The following PRDM10 variants were observed in gnomAD, a reference collection of about 807,000 sequenced individuals.
The protein encoded by PRDM10 is PR domain zinc finger protein 10.
PRDM10 carries 65 observed loss-of-function variants against 133.1 expected under a neutral mutation model. The ratio of observed to expected loss-of-function variants is 0.49; its 90% CI spans 0.40 to 0.60. The LOEUF is 0.60. Ranked by LOEUF, PRDM10 falls within the 20% of genes least tolerant of loss-of-function variation. The probability of loss-of-function intolerance (pLI) is 0.00; values close to 1 mark genes in which losing one functional copy is unlikely to be tolerated. For synonymous variants in PRDM10, 582 were observed against 580.4 expected (o/e 1.00, Z -0.04); for missense variants, 1,137 against 1,507.1 (o/e 0.75, Z 4.07).
At chr11:129,904,754 C>A (rs1949960054) in intron 20 of PRDM10, among the ~76,000 whole-genome samples, 1 of 152,166 alleles carries the variant, frequency 6.6e-6, no homozygotes, top group Non-Finnish European at 1.5e-5. Flanking sequence ...CCTGCCTTGG[C>A]CCCCCAAAGT....
chr11:129,975,257 T>C (rs1006160053), intron 1 of PRDM10, among the ~76,000 whole-genome samples: 2 of 152,062 alleles, frequency 1.3e-5, no homozygotes, highest in African/African-American at 4.8e-5. Context: ...TGAAACCCCA[T>C]GTCTACTAAA....
intron 1 of PRDM10, among the ~76,000 whole-genome samples, chr11:129,999,143 A>C (rs1013514611): frequency 1.3e-5 from 2 of 152,160 alleles, no homozygotes; most frequent in Non-Finnish European, 2.9e-5. Context: ...ATTAAGAATA[A>C]AAAAGAAAAG....
rs186250072 is a variant in PRDM10 at position 129,925,462 on chromosome 11, A to G, written c.1531-233T>C. 1.8e-4 allele frequency among the ~76,000 whole-genome samples: 27 copies of G among 152,308 alleles called. No individual in the cohort carries two copies. In the East Asian group the frequency reaches 2.3e-3, roughly 13 times the overall value. On this transcript the variant is annotated intron_variant, in intron 11 of 20. Coordinates refer to ENST00000360871, the MANE Select transcript of PRDM10 (RefSeq NM_199437.2). ...GAAATTTTTTTGTGTTTTGTTTTAC[A>G]TCTATGTATGTGGGTTTTCTTTTGA...
intron 2 of PRDM10, among the ~76,000 whole-genome samples, chr11:129,960,594 T>C (rs1327050750): frequency 1.3e-5 from 2 of 152,124 alleles, no homozygotes; most frequent in Non-Finnish European, 1.5e-5. Context: ...AAACAAACTA[T>C]AGTTTGAGGT....
intron 1 of PRDM10, among the ~76,000 whole-genome samples, chr11:129,971,958 C>A (rs2135948862): frequency 6.6e-6 from 1 of 152,330 alleles, no homozygotes; most frequent in East Asian, 1.9e-4. Context: ...TGGCGGGCTG[C>A]AGGTCCCGAG....
At chr11:129,910,317 C>T (rs1275628004) in intron 19 of PRDM10, among the ~76,000 whole-genome samples, 159 bp downstream of exon 19, 1 of 152,190 alleles carries the variant, frequency 6.6e-6, no homozygotes, top group Non-Finnish European at 1.5e-5. Context: ...GAATGCTACA[C>T]CTTGAGTTTT....
In PRDM10 at chr11:129,947,405, A is replaced by G. The variant is rs780658136; in HGVS notation, c.295-35T>C. 11 of 1,610,090 alleles carry G rather than the reference A, an allele frequency of 6.8e-6. No individual in the cohort carries two copies. The highest frequency in any genetic ancestry group is 8.5e-6 in the Non-Finnish European group (10 of 1,176,688). Reference sequence around the variant, plus strand: ...AGTTGAAGGCACAGAGTAAGCAGACATGGACACCTGCTTTTGGTTCGCTGG... The same window carrying G: ...AGTTGAAGGCACAGAGTAAGCAGACGTGGACACCTGCTTTTGGTTCGCTGG... On this transcript the variant is annotated intron_variant, in intron 4 of 20. Coordinates refer to ENST00000360871, the MANE Select transcript of PRDM10 (RefSeq NM_199437.2). The surrounding 1 kb of genome is among the most constrained non-coding windows in gnomAD (Gnocchi z 4.6).
Position 129,905,720 on chromosome 11 carries a change from G to A in PRDM10, c.3185C>T (p.Thr1062Met), listed in dbSNP as rs773270883. ...AATCACAAACTGACCCGGAGGAAGC[G>A]TCATCATTTGAATCTCAGATGCTAA... ...RGYSSEIQMMTLPPGQFVITD... is the reference protein window; with the variant it reads ...RGYSSEIQMMMLPPGQFVITD... Residue 1062 changes from threonine (T) to methionine (M), a missense_variant, in exon 20 of 21, where the codon ACG (threonine) becomes ATG (methionine). This residue lies in a region of PRDM10 where 243 missense variants were observed against 259.2 expected (regional missense o/e 0.94). Transcript: ENST00000360871. 22 of 1,613,826 alleles carry A rather than the reference G, an allele frequency of 1.4e-5. No individual in the cohort carries two copies. The highest frequency in any genetic ancestry group is 1.6e-4 in the Middle Eastern group (1 of 6,084).
At chr11:129,904,541 C>G (rs985335155) in intron 20 of PRDM10, among the ~76,000 whole-genome samples, 1 of 152,062 alleles carries the variant, frequency 6.6e-6, no homozygotes, top group African/African-American at 2.4e-5. Flanking sequence ...ACTTTGTTGC[C>G]CAGGCTGGAG....
intron 1 of PRDM10, among the ~76,000 whole-genome samples, chr11:130,000,190 C>A (rs2136015658): frequency 6.6e-6 from 1 of 151,860 alleles, no homozygotes; most frequent in East Asian, 1.9e-4. Flanking sequence ...ATTACAGGCG[C>A]CTGCCATCAT....
chr11:129,953,766 G>A (rs1951638358), intron 4 of PRDM10, among the ~76,000 whole-genome samples: 1 of 147,822 alleles, frequency 6.8e-6, no homozygotes, highest in South Asian at 2.1e-4. Context: ...TTTGTCTTTG[G>A]GGTATTTATC....
At chr11:129,949,797 G>T (rs1300654622) in intron 4 of PRDM10, among the ~76,000 whole-genome samples, 1 of 151,710 alleles carries the variant, frequency 6.6e-6, no homozygotes, top group Non-Finnish European at 1.5e-5. Context: ...AGCTGGGCAT[G>T]GTAGCGGGTG....
At position 129,980,398 on chromosome 11, in the gene PRDM10, AG is replaced by A. The variant is rs1287770861; in HGVS notation, c.-118-19317del. Reference sequence around the variant, plus strand: ...AACAGCAGCGGTGGACTCTCATAGGAGCAGGGACCCTGTTGTGAACCGTGCA... The same window carrying A: ...AACAGCAGCGGTGGACTCTCATAGGACAGGGACCCTGTTGTGAACCGTGCA... On this transcript the variant is annotated intron_variant, in intron 1 of 20. Transcript: ENST00000360871. 2.6e-5 allele frequency among the ~76,000 whole-genome samples: 4 copies of A among 152,208 alleles called. No individual in the cohort carries two copies. In the East Asian group the frequency reaches 7.7e-4, roughly 29 times the overall value.
chr11:129,947,015 G>C lies in PRDM10; in HGVS notation c.520+130C>G. ...AAGGCCAGGTGGGATGAAGCAAGCA[G>C]AGAATGTAGCACAGTTGGCTGCACA... is the stretch of plus-strand genomic sequence containing the variant. On this transcript the variant is annotated intron_variant, in intron 5 of 20. Coordinates refer to ENST00000360871, the MANE Select transcript of PRDM10 (RefSeq NM_199437.2). This position sits in a 1 kb window ranked among gnomAD's most constrained non-coding sequence, Gnocchi z 4.6. 1 of 1,278,962 alleles carries C rather than the reference G, an allele frequency of 7.8e-7. No homozygotes were observed. The highest frequency in any genetic ancestry group is 1.1e-6 in the Non-Finnish European group (1 of 925,852). 79.2% of individuals were successfully genotyped at this position (1,278,962 alleles called of 1,614,324 possible). A position where few individuals can be genotyped will look rare whatever the true frequency, so the allele number is the denominator to read the frequency against.
At chr11:129,955,984 A>G (rs1405657888) in intron 3 of PRDM10, among the ~76,000 whole-genome samples, 3 of 152,374 alleles carry the variant, frequency 2.0e-5, no homozygotes, top group Admixed American at 6.5e-5. Context: ...ATAGACAGGC[A>G]TCTAGAAGAG....
At chr11:129,935,274 C>A (rs1950992828) in intron 8 of PRDM10, 56 bp from the exon 9 acceptor site, 5 of 1,321,584 alleles carry the variant, frequency 3.8e-6, no homozygotes, top group Non-Finnish European at 5.5e-6. Flanking sequence ...ACCAGTAAAA[C>A]TCAAAAGTCT....
intron 17 of PRDM10, among the ~76,000 whole-genome samples, chr11:129,913,113 G>A (rs1443075229): frequency 6.6e-6 from 1 of 150,490 alleles, no homozygotes; most frequent in East Asian, 2.0e-4. Context: ...AGCTACTGAT[G>A]AGGCTGAGGT....
rs769386214 is a variant in PRDM10 at position 129,902,413 on chromosome 11, AG to A, written c.3370del (p.Leu1124TrpfsTer40). ...CTGTTGGCTGTTGGTCTGGGGGTCC[AG>A]GGAGTCACTGTGTGCAGGTGGCTCG... ...QVEPPAHSDS[L>X]DPQTNSQQQT... is the part of the protein sequence containing the mutation. On this transcript the variant is annotated frameshift_variant, in exon 21 of 21. Coordinates refer to ENST00000360871, the MANE Select transcript of PRDM10 (RefSeq NM_199437.2). LOFTEE classifies it high-confidence loss of function. 1.9e-6 allele frequency: 3 copies of A among 1,614,230 alleles called. No individual in the cohort carries two copies. The highest frequency in any genetic ancestry group is 2.5e-6 in the Non-Finnish European group (3 of 1,180,046).
At chr11:129,925,784 T>A (rs1950660749) in intron 11 of PRDM10, among the ~76,000 whole-genome samples, 1 of 152,200 alleles carries the variant, frequency 6.6e-6, no homozygotes, top group East Asian at 1.9e-4. Context: ...GAGAAGGAAA[T>A]GGATACCAGG....
Sources: gnomAD v4.1 joint callset for allele counts (sites outside exome capture counted in the v4.1 genomes callset) on GRCh38, gnomAD v4.1.1 for gene constraint, gnomAD v4.1.1 regional missense constraint, Gnocchi (gnomAD v3.1) non-coding constraint, MANE v1.5 for transcripts, NCBI Gene and HGNC (gene_info 2026-07-23, HGNC 2026-07-21) for gene names.